The following FLRT2 variants were observed in gnomAD, a reference collection of about 807,000 sequenced individuals.
The protein encoded by FLRT2 is leucine-rich repeat transmembrane protein FLRT2.
In FLRT2, 15 loss-of-function variants were observed where a neutral mutation model predicts 40.0. That is an observed-to-expected ratio of 0.38 (90% confidence interval 0.25 to 0.58). The LOEUF is 0.58. Among genes scored for constraint, FLRT2 ranks in the 20% least tolerant of loss-of-function variants. The probability of loss-of-function intolerance (pLI) is 0.71; values close to 1 mark genes in which losing one functional copy is unlikely to be tolerated. For synonymous variants in FLRT2, 380 were observed against 336.8 expected (o/e 1.13, Z -1.41); for missense variants, 726 against 840.0 (o/e 0.86, Z 1.68).
At position 85,603,824 on chromosome 14, in the gene FLRT2, C is replaced by T. The variant is rs190439697; in HGVS notation, c.-376-17315C>T. ...TGGAGATTGCAGCGAGCCGAGGTCT[C>T]TTGCCACTGCACTCCAGCCTGGGCG... On this transcript the variant is annotated intron_variant, in intron 1 of 1. Coordinates refer to ENST00000330753, the MANE Select transcript of FLRT2 (RefSeq NM_013231.6). Among the ~76,000 whole-genome samples the T allele has an allele frequency of 1.2e-3, 187 of 152,282 alleles. 1 individual carries two copies. The highest frequency in any genetic ancestry group is 4.1e-3 in the African/African-American group (169 of 41,564).
At chr14:85,556,915 G>A (rs527664864) in intron 1 of FLRT2, among the ~76,000 whole-genome samples, 5 of 152,162 alleles carry the variant, frequency 3.3e-5, no homozygotes, top group Non-Finnish European at 7.4e-5. Flanking sequence ...GGCTGGGGAG[G>A]CCTCAGAATC....
In FLRT2 at chr14:85,641,043, G is replaced by A. The variant is rs1272151853; in HGVS notation, c.*17546G>A. The A allele has an allele frequency of 2.6e-5, 4 of 152,076 alleles. No homozygotes were observed. Among genetic ancestry groups the A allele is most frequent in the Non-Finnish European group, 4.4e-5 (3 of 68,032 alleles). 9.4% of individuals were successfully genotyped at this position (152,076 alleles called of 1,614,324 possible). A position where few individuals can be genotyped will look rare whatever the true frequency, so the allele number is the denominator to read the frequency against. On this transcript the variant is annotated 3_prime_UTR_variant, in exon 2 of 2. Coordinates refer to ENST00000330753, the MANE Select transcript of FLRT2 (RefSeq NM_013231.6). ...ATCTAGTGCATTTCTCCATAATGTGGGTGGCAATTATTCTAATCCCTTCCA... is the reference window on the plus strand; with the variant it reads ...ATCTAGTGCATTTCTCCATAATGTGAGTGGCAATTATTCTAATCCCTTCCA...
At chr14:85,611,901 C>T (rs1371945512) in intron 1 of FLRT2, among the ~76,000 whole-genome samples, 12 of 143,854 alleles carry the variant, frequency 8.3e-5, no homozygotes, top group African/African-American at 3.1e-4. Context: ...AGAGAGAGAG[C>T]GCGCGTGCGC....
rs35699071 is a variant in FLRT2 at position 85,623,161 on chromosome 14, C to T, written c.1647C>T (p.Gly549=). ...TTCTGCTGGCGGGCTTGATCGGGGG[C>T]GCGGTGATATTTGTGCTGGTGGTCT... ...SPFLLAGLIG[G]AVIFVLVVLL... The change falls in exon 2 of 2, where the codon GGC becomes GGT. Residue 549 remains glycine, a synonymous_variant. Coordinates refer to ENST00000330753, the MANE Select transcript of FLRT2 (RefSeq NM_013231.6). 51 of 1,581,794 alleles carry T rather than the reference C, an allele frequency of 3.2e-5. No homozygotes were observed. In the Middle Eastern group the frequency reaches 6.8e-4, roughly 21 times the overall value.
intron 1 of FLRT2, among the ~76,000 whole-genome samples, chr14:85,591,510 A>G (rs938839191): frequency 2.0e-5 from 3 of 152,218 alleles, no homozygotes; most frequent in Admixed American, 1.3e-4. Context: ...CCTTTTCCCA[A>G]TTAGAAATTT....
At chr14:85,585,969 T>G (rs571856369) in intron 1 of FLRT2, among the ~76,000 whole-genome samples, 1 of 150,144 alleles carries the variant, frequency 6.7e-6, no homozygotes, top group African/African-American at 2.4e-5. Flanking sequence ...GTATATATAT[T>G]TTTAGTTAAA....
chr14:85,611,912 G>GCA (rs1204451219), intron 1 of FLRT2, among the ~76,000 whole-genome samples: 12 of 143,860 alleles, frequency 8.3e-5, no homozygotes, highest in Non-Finnish European at 1.5e-4. Context: ...GCGCGTGCGC[G>GCA]AAAGCGTGTG....
Position 85,640,485 on chromosome 14 carries a change from C to A in FLRT2, c.*16988C>A, listed in dbSNP as rs1479983496. 1 of 152,048 alleles carries A rather than the reference C, an allele frequency of 6.6e-6. No individual in the cohort carries two copies. Among genetic ancestry groups the A allele is most frequent in the Admixed American group, 6.6e-5 (1 of 15,242 alleles). The allele number at this position is 152,048 out of a possible 1,614,324, so 9.4% of individuals were successfully genotyped here. A position where few individuals can be genotyped will look rare whatever the true frequency, so the allele number is the denominator to read the frequency against. On this transcript the variant is annotated 3_prime_UTR_variant, in exon 2 of 2. Coordinates refer to ENST00000330753, the MANE Select transcript of FLRT2 (RefSeq NM_013231.6). ...AGAGGTTTTCTTTAATTGTTTAATT[C>A]ATAGGAAAGCCACTGGGAGCCTTCT...
In FLRT2 at chr14:85,650,112, CTT is replaced by C; in HGVS notation, c.*26617_*26618del. 1 of 152,114 alleles carries C rather than the reference CTT, an allele frequency of 6.6e-6. No homozygotes were observed. Among genetic ancestry groups the C allele is most frequent in the South Asian group, 2.1e-4 (1 of 4,826 alleles). 9.4% of individuals were successfully genotyped at this position (152,114 alleles called of 1,614,324 possible). On this transcript the variant is annotated 3_prime_UTR_variant, in exon 2 of 2. Coordinates refer to ENST00000330753, the MANE Select transcript of FLRT2 (RefSeq NM_013231.6). The stretch of plus-strand genomic sequence containing the variant: ...AACCCCTCACCTGTCACACTATCCT[CTT>C]TGCTTTGTCAAATACTTACTACGTT...
chr14:85,536,059 G>A (rs935632657), intron 1 of FLRT2, among the ~76,000 whole-genome samples: 2 of 151,870 alleles, frequency 1.3e-5, no homozygotes, highest in Non-Finnish European at 2.9e-5. Context: ...GGCTACCCTG[G>A]AGTCCCCAAA....
At chr14:85,574,498 C>T (rs1331873532) in intron 1 of FLRT2, among the ~76,000 whole-genome samples, 1 of 152,144 alleles carries the variant, frequency 6.6e-6, no homozygotes, top group Non-Finnish European at 1.5e-5. Context: ...TTTGTAGAGG[C>T]TTTGGTACTG....
Position 85,621,566 on chromosome 14 carries a change from T to C in FLRT2, c.52T>C (p.Ser18Pro). ...WPSHGAFFLK[S>P]WLIISLGLYS... ...CAGCCATGGGGCTTTTTTCCTGAAG[T>C]CTTGGCTTATCATTTCCCTGGGGCT... Residue 18 changes from serine to proline, a missense_variant, in exon 2 of 2, where the codon TCT becomes CCT. Physicochemically the swap from Ser to Pro is moderately conservative, Grantham distance 74 (BLOSUM62 -1). Around this residue, in one of 3 missense-constraint regions of FLRT2, gnomAD observed 106 missense variants for 121.2 expected, o/e 0.87. Transcript: ENST00000330753. 6.2e-7 allele frequency: 1 copy of C among 1,614,054 alleles called. No homozygotes were observed.
chr14:85,569,574 CGTGTACTTTA>C (rs1890797814), intron 1 of FLRT2, among the ~76,000 whole-genome samples: 1 of 152,158 alleles, frequency 6.6e-6, no homozygotes, highest in African/African-American at 2.4e-5. Context: ...GGACACTGGA[CGTGTACTTTA>C]GAGTTCTCAT....
chr14:85,627,133 G>C lies in FLRT2; in HGVS notation c.*3636G>C, dbSNP rs564465260. On this transcript the variant is annotated 3_prime_UTR_variant, in exon 2 of 2. Coordinates refer to ENST00000330753, the MANE Select transcript of FLRT2 (RefSeq NM_013231.6). ...AGCATTTTTCTCTAACCTATAACAA[G>C]GAGACATTACATTTTACTTTAGAAC... 4.2e-5 allele frequency: 7 copies of C among 167,168 alleles called. No individual in the cohort carries two copies. In the East Asian group the frequency reaches 9.6e-4, roughly 23 times the overall value. The allele number at this position is 167,168 out of a possible 1,614,324, so 10.4% of individuals were successfully genotyped here. A position where few individuals can be genotyped will look rare whatever the true frequency, so the allele number is the denominator to read the frequency against.
At position 85,653,225 on chromosome 14, in the gene FLRT2, T is replaced by C. The variant is rs972066985; in HGVS notation, c.*29728T>C. ...TTTTGAGTCACATATGTAAATGAAA[T>C]GTTTTGAGCAAAGTTGTAACCCTGC... On this transcript the variant is annotated 3_prime_UTR_variant, in exon 2 of 2. Transcript: ENST00000330753. 1.3e-5 allele frequency: 2 copies of C among 152,128 alleles called. No homozygotes were observed. The highest frequency in any genetic ancestry group is 4.8e-5 in the African/African-American group (2 of 41,444). 9.4% of individuals were successfully genotyped at this position (152,128 alleles called of 1,614,324 possible).
intron 1 of FLRT2, among the ~76,000 whole-genome samples, chr14:85,602,954 A>AT (rs1312592515): frequency 6.6e-6 from 1 of 152,186 alleles, no homozygotes; most frequent in African/African-American, 2.4e-5. Flanking sequence ...ATTTGAGCGC[A>AT]TAACTTCCTT....
intron 1 of FLRT2, among the ~76,000 whole-genome samples, chr14:85,596,501 C>CGTT (rs60592534): frequency 0.039 from 5,960 of 151,766 alleles, 370 homozygotes; most frequent in African/African-American, 0.14. Flanking sequence ...TCTTTGTTGT[C>CGTT]GTTGTTGTTG....
chr14:85,618,988 CT>C (rs1189612184), intron 1 of FLRT2, among the ~76,000 whole-genome samples: 1 of 151,464 alleles, frequency 6.6e-6, no homozygotes, highest in Non-Finnish European at 1.5e-5. Context: ...ATAAATTATT[CT>C]TTAAGTTTAT....
At chr14:85,548,460 A>G (rs1053710722) in intron 1 of FLRT2, among the ~76,000 whole-genome samples, 2 of 152,220 alleles carry the variant, frequency 1.3e-5, no homozygotes, top group Non-Finnish European at 2.9e-5. Context: ...CCAAGCCTCT[A>G]GGCAAGAACA....
Sources: allele counts gnomAD v4.1 joint callset (sites outside exome capture counted in the v4.1 genomes callset), GRCh38; gene constraint gnomAD v4.1.1; regional missense constraint gnomAD v4.1.1; transcripts MANE v1.5; gene names NCBI Gene and HGNC (gene_info 2026-07-23, HGNC 2026-07-21).